The following FARS2 variants were observed in gnomAD, a reference collection of about 807,000 sequenced individuals.
FARS2 encodes the protein phenylalanyl-tRNA synthetase 2, mitochondrial.
FARS2 carries 40 observed loss-of-function variants against 46.4 expected under a neutral mutation model. The ratio of observed to expected loss-of-function variants is 0.86; its 90% CI spans 0.67 to 1.12. FARS2 has a LOEUF of 1.12. FARS2 is among the 50% of genes most tolerant of loss of function. FARS2 has a pLI of 0.00. For synonymous variants in FARS2, 234 were observed against 214.9 expected (o/e 1.09, Z -0.78); for missense variants, 513 against 567.9 (o/e 0.90, Z 0.98).
upstream of FARS2, chr6:5,260,991 G>GCCCCGCCC (rs1396227535): frequency 2.7e-6 from 3 of 1,110,788 alleles, no homozygotes; most frequent in Non-Finnish European, 3.3e-6. Context: ...AGATGCCTCC[G>GCCCCGCCC]CCCCGCCCCG....
At chr6:5,401,176 C>T (rs370299542) in intron 2 of FARS2, among the ~76,000 whole-genome samples, 3 of 151,824 alleles carry the variant, frequency 2.0e-5, no homozygotes, top group Middle Eastern at 3.2e-3. Context: ...TTGATATATT[C>T]GATCTGAACT....
rs1773121955 is a variant in FARS2, at chr6:5,578,557, C to A, written c.1065+33217C>A. On this transcript the variant is annotated intron_variant, in intron 5 of 6. Transcript: ENST00000274680. ...AGGCACGGTGGCTCACCCCAGTAAT[C>A]CCAGCACTTTGGGAGGCCGAGTTGG... 1.3e-5 allele frequency among the ~76,000 whole-genome samples: 2 copies of A among 151,956 alleles called. 1 individual carries two copies. The highest frequency in any genetic ancestry group is 3.9e-4 in the East Asian group (2 of 5,176).
chr6:5,716,153 G>A (rs1381673982), intron 6 of FARS2, among the ~76,000 whole-genome samples: 1 of 152,096 alleles, frequency 6.6e-6, no homozygotes, highest in African/African-American at 2.4e-5. Flanking sequence ...TACTCATATA[G>A]TATACCTATA....
At chr6:5,617,118 T>TA (rs144247116) in intron 6 of FARS2, among the ~76,000 whole-genome samples, 20,341 of 151,428 alleles carry the variant, frequency 0.13, 1,729 homozygotes, top group South Asian at 0.19. Context: ...GACACCCCAT[T>TA]AAAAAAAATC....
chr6:5,586,449 T>A lies in FARS2; in HGVS notation c.1066-26720T>A, dbSNP rs146593492. On this transcript the variant is annotated intron_variant, in intron 5 of 6. Transcript: ENST00000274680. ...CTTTTTCTACCTCTTTTGAGATGAT[T>A]GCATGATTTTTATCTGCATTCTGTT... Among the ~76,000 whole-genome samples the A allele has an allele frequency of 3.4e-3, 518 of 152,292 alleles. 1 individual carries two copies. Among genetic ancestry groups the A allele is most frequent in the Non-Finnish European group, 5.4e-3 (368 of 67,970 alleles).
At chr6:5,556,306 A>G (rs1301133117) in intron 5 of FARS2, among the ~76,000 whole-genome samples, 1 of 152,082 alleles carries the variant, frequency 6.6e-6, no homozygotes, top group Non-Finnish European at 1.5e-5. Context: ...TTCTGTTTGA[A>G]ATTGAGTATA....
chr6:5,687,026 T>G (rs946923783), intron 6 of FARS2, among the ~76,000 whole-genome samples: 5 of 152,158 alleles, frequency 3.3e-5, no homozygotes, highest in African/African-American at 9.7e-5. Flanking sequence ...GTTCATATCC[T>G]TTGCCCACTT....
chr6:5,761,241 G>A (rs1208847384), intron 6 of FARS2, among the ~76,000 whole-genome samples: 2 of 152,134 alleles, frequency 1.3e-5, no homozygotes, highest in African/African-American at 4.8e-5. Flanking sequence ...TCATCCTGTT[G>A]ACTGTCTATT....
intron 2 of FARS2, among the ~76,000 whole-genome samples, chr6:5,399,643 T>C (rs904867252): frequency 1.8e-4 from 28 of 152,318 alleles, no homozygotes; most frequent in African/African-American, 6.7e-4. Context: ...ATTTTTGTTA[T>C]TTCTAGCCTA....
chr6:5,532,783 T>TAAGAAGAAG (rs756604628), intron 4 of FARS2, among the ~76,000 whole-genome samples: 13 of 138,750 alleles, frequency 9.4e-5, no homozygotes, highest in African/African-American at 3.3e-4. Context: ...ATAATAATAA[T>TAAGAAGAAG]AAGAAGAAGA....
chr6:5,738,312 G>A (rs1761081343), intron 6 of FARS2, among the ~76,000 whole-genome samples: 1 of 152,202 alleles, frequency 6.6e-6, no homozygotes, highest in South Asian at 2.1e-4. Context: ...CTCATCAGAA[G>A]TGACACAGTA....
At chr6:5,761,403 G>T (rs370494077) in intron 6 of FARS2, among the ~76,000 whole-genome samples, 1 of 152,292 alleles carries the variant, frequency 6.6e-6, no homozygotes, top group African/African-American at 2.4e-5. Flanking sequence ...CAAGCAGTTC[G>T]TATACCTGTT....
At chr6:5,535,566 A>C (rs1315925853) in intron 4 of FARS2, among the ~76,000 whole-genome samples, 1 of 152,158 alleles carries the variant, frequency 6.6e-6, no homozygotes, top group Non-Finnish European at 1.5e-5. Flanking sequence ...GGTGACTGTG[A>C]GCATCTTTGT....
chr6:5,671,863 A>G (rs796500620), intron 6 of FARS2, among the ~76,000 whole-genome samples: 3 of 152,308 alleles, frequency 2.0e-5, no homozygotes, highest in Admixed American at 6.5e-5. Context: ...GTGTCTAAGA[A>G]CATAAGCCAA....
At chr6:5,530,087 G>C (rs9328310) in intron 4 of FARS2, among the ~76,000 whole-genome samples, 6,518 of 152,264 alleles carry the variant, frequency 0.043, 461 homozygotes, top group African/African-American at 0.15. Flanking sequence ...AAGTTTTGGG[G>C]TGGTTGGTTT....
At chr6:5,745,904 G>A (rs993130959) in intron 6 of FARS2, among the ~76,000 whole-genome samples, 1 of 152,122 alleles carries the variant, frequency 6.6e-6, no homozygotes, top group Middle Eastern at 3.2e-3. Context: ...GTGTGGTACA[G>A]AGTCGGAGGA....
intron 1 of FARS2, among the ~76,000 whole-genome samples, chr6:5,361,096 T>A (rs1043865099): frequency 6.6e-6 from 1 of 152,242 alleles, no homozygotes; most frequent in African/African-American, 2.4e-5. Flanking sequence ...TGAAATCTTT[T>A]GGCTAGTTCT....
chr6:5,273,069 A>G (rs1766076074), intron 1 of FARS2, among the ~76,000 whole-genome samples: 1 of 152,174 alleles, frequency 6.6e-6, no homozygotes. Flanking sequence ...ATGTACACTT[A>G]ACATTGATTC....
At chr6:5,639,522 T>A (rs748143208) in intron 6 of FARS2, among the ~76,000 whole-genome samples, 1 of 152,350 alleles carries the variant, frequency 6.6e-6, no homozygotes, top group Non-Finnish European at 1.5e-5. Context: ...AGATTTCTCT[T>A]GCTTAAGTAG....
Sources: allele counts gnomAD v4.1 joint callset (sites outside exome capture counted in the v4.1 genomes callset), GRCh38; gene constraint gnomAD v4.1.1; transcripts MANE v1.5; gene names NCBI Gene and HGNC (gene_info 2026-07-23, HGNC 2026-07-21).